Variants in CNTNAP2 observed in about 807,000 individuals in gnomAD.
CNTNAP2 encodes the protein contactin associated protein 2, also known as contactin-associated protein-like 2.
CNTNAP2 carries 98 observed loss-of-function variants against 155.2 expected under a neutral mutation model. The observed-to-expected ratio is 0.63, with a 90% CI of 0.54 to 0.75. The LOEUF is 0.75. Ranked by LOEUF, CNTNAP2 falls within the 30% of genes least tolerant of loss-of-function variation. The pLI is 0.00. For missense variants in CNTNAP2, 1,727 were observed against 1,688.1 expected (o/e 1.02, Z -0.40); for synonymous variants, 651 against 631.2 (o/e 1.03, Z -0.47).
rs557033594 is a variant in CNTNAP2 at position 147,848,586 on chromosome 7, C to A, written c.2099-54979C>A. 2.4e-3 allele frequency among the ~76,000 whole-genome samples: 358 copies of A among 148,784 alleles called. 1 individual carries two copies. Among genetic ancestry groups the A allele is most frequent in the African/African-American group, 8.5e-3 (345 of 40,454 alleles). ...GTCACTCACGCTGGGAGCTGTAGAC[C>A]GGAGCTGTTCCTATTCGGCCATCTT... On this transcript the variant is annotated intron_variant, in intron 13 of 23. Coordinates refer to ENST00000361727, the MANE Select transcript of CNTNAP2 (RefSeq NM_014141.6).
At chr7:147,245,761 C>A (rs1265663689) in intron 8 of CNTNAP2, among the ~76,000 whole-genome samples, 44 of 85,222 alleles carry the variant, frequency 5.2e-4, no homozygotes, top group Admixed American at 6.3e-4. Context: ...GACTCTGTCT[C>A]AAAAAAAAAA....
chr7:148,233,954 T>C (rs1796005921), intron 20 of CNTNAP2, among the ~76,000 whole-genome samples: 1 of 152,182 alleles, frequency 6.6e-6, no homozygotes, highest in African/African-American at 2.4e-5. Flanking sequence ...TCTTCCTCCT[T>C]CTCAGGCCAT....
intron 5 of CNTNAP2, among the ~76,000 whole-genome samples, chr7:147,117,599 C>A (rs1477414920): frequency 6.6e-6 from 1 of 152,240 alleles, no homozygotes; most frequent in East Asian, 1.9e-4. Flanking sequence ...CATCTTGGCC[C>A]CTGTCTCACC....
chr7:148,391,310 A>G (rs1482570644), intron 22 of CNTNAP2, among the ~76,000 whole-genome samples: 2 of 147,868 alleles, frequency 1.4e-5, no homozygotes, highest in African/African-American at 5.2e-5. Context: ...TGATTTTCAC[A>G]TGATTGGAGT....
At chr7:146,426,454 A>C (rs1209232230) in intron 1 of CNTNAP2, among the ~76,000 whole-genome samples, 1 of 150,092 alleles carries the variant, frequency 6.7e-6, no homozygotes, top group African/African-American at 2.4e-5. Context: ...CATATACATA[A>C]ATGTGTGTGT....
intron 15 of CNTNAP2, among the ~76,000 whole-genome samples, chr7:148,057,738 T>C (rs1803048194): frequency 6.6e-6 from 1 of 152,158 alleles, no homozygotes; most frequent in Non-Finnish European, 1.5e-5. Context: ...ATTTCTGCAG[T>C]GTCTCAGAAG....
Position 147,154,224 on chromosome 7 carries a change from T to C in CNTNAP2, c.1348+21715T>C, listed in dbSNP as rs541070506. Reference sequence around the variant, plus strand: ...TGAAACCTGGATAAAGTGGTTTTAATTGAAAACGAGAATAAGCAAGATCAG... The same window carrying C: ...TGAAACCTGGATAAAGTGGTTTTAACTGAAAACGAGAATAAGCAAGATCAG... On this transcript the variant is annotated intron_variant, in intron 8 of 23. Transcript: ENST00000361727. Among the ~76,000 whole-genome samples, 5 of 152,274 alleles carry C rather than the reference T, an allele frequency of 3.3e-5. No homozygotes were observed. The South Asian group carries it at 8.3e-4, about 25-fold the overall frequency.
At chr7:147,331,902 A>G (rs1238462767) in intron 9 of CNTNAP2, among the ~76,000 whole-genome samples, 1 of 152,162 alleles carries the variant, frequency 6.6e-6, no homozygotes, top group Non-Finnish European at 1.5e-5. Context: ...CTGCTTCAGT[A>G]TCTCAGAAAG....
chr7:147,035,471 T>G (rs1464537745), intron 3 of CNTNAP2, among the ~76,000 whole-genome samples: 1 of 152,228 alleles, frequency 6.6e-6, no homozygotes, highest in Non-Finnish European at 1.5e-5. Context: ...AGGGAAGTGA[T>G]TGTAATGATC....
At chr7:146,367,384 A>G (rs1475448288) in intron 1 of CNTNAP2, among the ~76,000 whole-genome samples, 1 of 152,256 alleles carries the variant, frequency 6.6e-6, no homozygotes, top group Non-Finnish European at 1.5e-5. Context: ...AAACAAAAAC[A>G]TGTAAGCCTT....
intron 15 of CNTNAP2, among the ~76,000 whole-genome samples, chr7:148,105,040 C>T (rs1804178482): frequency 6.6e-6 from 1 of 152,100 alleles, no homozygotes; most frequent in Non-Finnish European, 1.5e-5. Flanking sequence ...CTAGATATTA[C>T]AGTTAGAAAT....
intron 22 of CNTNAP2, among the ~76,000 whole-genome samples, chr7:148,387,158 G>C (rs1585329587): frequency 6.6e-6 from 1 of 152,104 alleles, no homozygotes; most frequent in East Asian, 1.9e-4. Flanking sequence ...CACCAAGAAG[G>C]CTTCTTTCTG....
At chr7:146,797,448 T>G (rs2129190635) in intron 2 of CNTNAP2, among the ~76,000 whole-genome samples, 1 of 152,320 alleles carries the variant, frequency 6.6e-6, no homozygotes, top group South Asian at 2.1e-4. Flanking sequence ...TTAGGAGATT[T>G]TAAACATGGA....
At chr7:146,580,331 G>A (rs1798592685) in intron 1 of CNTNAP2, among the ~76,000 whole-genome samples, 1 of 151,846 alleles carries the variant, frequency 6.6e-6, no homozygotes, top group African/African-American at 2.4e-5. Flanking sequence ...TAAAGTTTTT[G>A]TTAGTGAAAG....
intron 19 of CNTNAP2, among the ~76,000 whole-genome samples, chr7:148,222,503 G>C (rs1165510068): frequency 2.0e-5 from 3 of 151,292 alleles, no homozygotes; most frequent in Admixed American, 2.0e-4. Context: ...TCTATGAATG[G>C]ATCATTCCAT....
At chr7:146,938,846 G>A (rs532938651) in intron 3 of CNTNAP2, among the ~76,000 whole-genome samples, 6 of 151,858 alleles carry the variant, frequency 4.0e-5, no homozygotes, top group South Asian at 2.1e-4. Context: ...TTGAGCTTAC[G>A]ATATACCAAG....
intron 1 of CNTNAP2, among the ~76,000 whole-genome samples, chr7:146,705,267 G>A (rs569350810): frequency 3.9e-4 from 60 of 152,212 alleles, no homozygotes; most frequent in African/African-American, 1.4e-3. Flanking sequence ...AAACTGGGTG[G>A]CTTATAAACA....
intron 9 of CNTNAP2, among the ~76,000 whole-genome samples, chr7:147,358,501 C>T (rs1796098114): frequency 6.6e-6 from 1 of 151,954 alleles, no homozygotes; most frequent in African/African-American, 2.4e-5. Flanking sequence ...TAATAGGTTG[C>T]AGTCATTTTT....
At chr7:148,135,448 A>G (rs1352172290) in intron 16 of CNTNAP2, among the ~76,000 whole-genome samples, 2 of 152,320 alleles carry the variant, frequency 1.3e-5, no homozygotes, top group Middle Eastern at 3.4e-3. Flanking sequence ...ATTCCCAATC[A>G]TAACATATGA....
Sources: allele counts gnomAD v4.1 joint callset (sites outside exome capture counted in the v4.1 genomes callset), GRCh38; gene constraint gnomAD v4.1.1; transcripts MANE v1.5; gene names NCBI Gene and HGNC (gene_info 2026-07-23, HGNC 2026-07-21).